The following SPEN variants were observed in gnomAD, a reference collection of about 807,000 sequenced individuals.
SPEN encodes the protein spen family transcriptional repressor, also known as msx2-interacting protein.
Under a neutral mutation model 269.9 loss-of-function variants are expected in SPEN, and 18 were observed. The observed-to-expected ratio is 0.07, with a 90% CI of 0.05 to 0.10. SPEN has a LOEUF of 0.10. Among genes scored for constraint, SPEN ranks in the 10% least tolerant of loss-of-function variants. The probability of loss-of-function intolerance (pLI) is 1.00; values close to 1 mark genes in which losing one functional copy is unlikely to be tolerated. For synonymous variants in SPEN, 1,726 were observed against 1,765.7 expected (o/e 0.98, Z 0.56); for missense variants, 3,822 against 4,631.2 (o/e 0.83, Z 5.07).
chr1:15,934,131 C>T lies in SPEN; in HGVS notation c.7891C>T (p.Leu2631=). 6.2e-7 allele frequency: 1 copy of T among 1,614,128 alleles called. No individual in the cohort carries two copies. The highest frequency in any genetic ancestry group is 8.5e-7 in the Non-Finnish European group (1 of 1,179,976). ...VISRMPVSID[L]ENSQKITLAK... ...TAGCCGGATGCCTGTCAGCATTGAC[C>T]TGGAAAATTCACAGAAGATAACCTT... is the stretch of plus-strand genomic sequence containing the variant. The change falls in exon 11 of 15, where the codon CTG becomes TTG. Residue 2631 remains leucine, a synonymous_variant. Transcript: ENST00000375759. The surrounding 1 kb of genome is among the most constrained non-coding windows in gnomAD (Gnocchi z 9.2).
intron 3 of SPEN, among the ~76,000 whole-genome samples, chr1:15,882,630 AG>A (rs1265321992): frequency 2.0e-5 from 3 of 152,342 alleles, no homozygotes; most frequent in Admixed American, 1.3e-4. Context: ...ACTGCACTCC[AG>A]CCTGGGCAAC....
chr1:15,886,332 T>A (rs1208443500), intron 3 of SPEN, among the ~76,000 whole-genome samples: 2 of 152,112 alleles, frequency 1.3e-5, no homozygotes, highest in African/African-American at 4.8e-5. Context: ...AGCCCCTGCG[T>A]CTGAATATTG....
Position 15,937,216 on chromosome 1 carries a change from ACAGCCTGCC to A in SPEN, c.10089_10097del (p.Gln3364_Ala3366del), listed in dbSNP as rs1238648811. 4 of 1,613,378 alleles carry A rather than the reference ACAGCCTGCC, an allele frequency of 2.5e-6. No homozygotes were observed. Among genetic ancestry groups the A allele is most frequent in the Non-Finnish European group, 2.5e-6 (3 of 1,179,912 alleles). ...AGCCTCCTCAGCCTGTGCAGTCCAC[ACAGCCTGCC>A]CAGCCTGCACCACCCTGCCCGCCCT... On this transcript the variant is annotated inframe_deletion, in exon 12 of 15. Coordinates refer to ENST00000375759, the MANE Select transcript of SPEN (RefSeq NM_015001.3). This position sits in a 1 kb window ranked among gnomAD's most constrained non-coding sequence, Gnocchi z 5.7.
intron 2 of SPEN, among the ~76,000 whole-genome samples, chr1:15,875,680 GTTAAAC>G (rs537678149): frequency 7.8e-4 from 119 of 152,188 alleles, no homozygotes; most frequent in South Asian, 4.4e-3. Context: ...ATGAAAAAAA[GTTAAAC>G]TTAGAAAATT....
rs765528950 is a variant in SPEN at position 15,936,083 on chromosome 1, G to A, written c.9843G>A (p.Leu3281=). 2 of 1,602,954 alleles carry A rather than the reference G, an allele frequency of 1.2e-6. No individual in the cohort carries two copies. The highest frequency in any genetic ancestry group is 1.7e-5 in the Admixed American group (1 of 59,392). Residue 3281 remains leucine (L), a synonymous_variant, in exon 11 of 15, where the codon CTG becomes CTA. Coordinates refer to ENST00000375759, the MANE Select transcript of SPEN (RefSeq NM_015001.3). The part of the protein sequence containing the change: ...TVTPSNQLQG[L]PLTPPVVVTH... The stretch of plus-strand genomic sequence containing the variant: ...CCCCCAGTAACCAACTCCAGGGGCT[G>A]CCTCTGACCCCTCCTGTGGTGGTGA...
Position 15,931,799 on chromosome 1 carries a change from G to C in SPEN, c.5559G>C (p.Lys1853Asn), listed in dbSNP as rs1277055027. The C allele has an allele frequency of 4.3e-6, 7 of 1,614,088 alleles. 1 individual carries two copies. Among genetic ancestry groups the C allele is most frequent in the Non-Finnish European group, 5.9e-6 (7 of 1,180,042 alleles). The change falls in exon 11 of 15, where the codon AAG (lysine) becomes AAC (asparagine). Residue 1853 changes from lysine (K) to asparagine (N), a missense_variant. Coordinates refer to ENST00000375759, the MANE Select transcript of SPEN (RefSeq NM_015001.3). The surrounding 1 kb of genome is among the most constrained non-coding windows in gnomAD (Gnocchi z 4.8). ...AGAGGATAGACCGGGAAAAACTCAA[G>C]CGGTCCAATTCTCCTCGGGGAGAAG... Reference protein sequence around the residue: ...KSERIDREKLKRSNSPRGEAQ... With the variant: ...KSERIDREKLNRSNSPRGEAQ...
In SPEN at chr1:15,898,382, G is replaced by C. The variant is rs375203741; in HGVS notation, c.882-10939G>C. 1.8e-3 allele frequency among the ~76,000 whole-genome samples: 272 copies of C among 151,544 alleles called. 7 individuals carry two copies. In the East Asian group the frequency reaches 0.043, roughly 24 times the overall value. ...AACTCCCAATTCTCCCTTTCCCCCA[G>C]CCCCTGGCAACCACCATTCTACTTT... On this transcript the variant is annotated intron_variant, in intron 3 of 14. Coordinates refer to ENST00000375759, the MANE Select transcript of SPEN (RefSeq NM_015001.3).
intron 5 of SPEN, among the ~76,000 whole-genome samples, chr1:15,913,422 A>G (rs918110023): frequency 6.6e-6 from 1 of 152,022 alleles, no homozygotes; most frequent in African/African-American, 2.4e-5. Flanking sequence ...GATCTTGAAA[A>G]TTTACTGCTG....
chr1:15,901,230 G>A (rs1209141413), intron 3 of SPEN, among the ~76,000 whole-genome samples: 1 of 151,270 alleles, frequency 6.6e-6, no homozygotes, highest in East Asian at 1.9e-4. Flanking sequence ...CAGCAGAATT[G>A]CTAGAACCTG....
intron 6 of SPEN, among the ~76,000 whole-genome samples, chr1:15,916,876 C>T (rs1010900115): frequency 2.0e-5 from 3 of 152,196 alleles, no homozygotes; most frequent in Admixed American, 6.5e-5. Flanking sequence ...CCTATAATCT[C>T]AGCACTTTGG....
chr1:15,938,116 C>G, intron 13 of SPEN, 110 bp downstream of exon 13: 1 of 1,020,078 alleles, frequency 9.8e-7, no homozygotes. Flanking sequence ...TAACTGTATT[C>G]TTGTTGTTGT....
At chr1:15,918,249 G>A (rs1223242613) in intron 6 of SPEN, among the ~76,000 whole-genome samples, 1 of 151,928 alleles carries the variant, frequency 6.6e-6, no homozygotes, top group Non-Finnish European at 1.5e-5. Flanking sequence ...TTTTTAAGAC[G>A]GAGTTTCACT....
intron 1 of SPEN, among the ~76,000 whole-genome samples, chr1:15,859,903 A>ATCTTTTTTTTTT (rs2070426075): frequency 1.7e-5 from 1 of 59,310 alleles, no homozygotes. Flanking sequence ...ATCAGTTAAC[A>ATCTTTTTTTTTT]TCTTTTTTTT....
intron 5 of SPEN, among the ~76,000 whole-genome samples, chr1:15,911,534 T>C (rs1220878949): frequency 2.0e-5 from 3 of 152,264 alleles, no homozygotes; most frequent in Non-Finnish European, 4.4e-5. Flanking sequence ...GGAGCCTTGC[T>C]GACTGTTAAG....
intron 3 of SPEN, among the ~76,000 whole-genome samples, chr1:15,893,763 G>A (rs1346324876): frequency 6.6e-6 from 1 of 152,026 alleles, no homozygotes; most frequent in Non-Finnish European, 1.5e-5. Flanking sequence ...CAAGCCAATT[G>A]CAGTGGCTCC....
At position 15,939,268 on chromosome 1, in the gene SPEN, C is replaced by T. The variant is rs979806157; in HGVS notation, c.10864-28C>T. On this transcript the variant is annotated intron_variant, in intron 14 of 14. Coordinates refer to ENST00000375759, the MANE Select transcript of SPEN (RefSeq NM_015001.3). The surrounding 1 kb of genome is among the most constrained non-coding windows in gnomAD (Gnocchi z 4.1). Reference sequence around the variant, plus strand: ...AGTTGTGGGGGTGAAGACAGACGGTCCCACTTTGCTCTCTATCCTGTCTCC... The same window carrying T: ...AGTTGTGGGGGTGAAGACAGACGGTTCCACTTTGCTCTCTATCCTGTCTCC... The T allele has an allele frequency of 6.5e-7, 1 of 1,534,926 alleles. No individual in the cohort carries two copies. The highest frequency in any genetic ancestry group is 2.0e-5 in the Admixed American group (1 of 49,774).
intron 10 of SPEN, among the ~76,000 whole-genome samples, chr1:15,926,346 C>A (rs896295427): frequency 6.6e-6 from 1 of 151,102 alleles, no homozygotes; most frequent in Non-Finnish European, 1.5e-5. Context: ...AGCAGTGAGC[C>A]GAGATTGTGC....
chr1:15,916,599 C>CGTGA (rs2071069890), intron 6 of SPEN, among the ~76,000 whole-genome samples: 1 of 150,314 alleles, frequency 6.7e-6, no homozygotes. Flanking sequence ...CAGCCTCAAC[C>CGTGA]TCCTGGGCTC....
chr1:15,934,592 G>A lies in SPEN; in HGVS notation c.8352G>A (p.Arg2784=). The A allele has an allele frequency of 6.2e-7, 1 of 1,614,132 alleles. No individual in the cohort carries two copies. Among genetic ancestry groups the A allele is most frequent in the Non-Finnish European group, 8.5e-7 (1 of 1,180,022 alleles). ...GAGCGAGTGCTAATGAAAACAGTCG[G>A]TTCCACCCAGGGTCCATGCCTGTGA... ...KQRASANENS[R]FHPGSMPVID... Residue 2784 remains arginine (R), a synonymous_variant, in exon 11 of 15, where the codon CGG becomes CGA. Coordinates refer to ENST00000375759, the MANE Select transcript of SPEN (RefSeq NM_015001.3). This position sits in a 1 kb window ranked among gnomAD's most constrained non-coding sequence, Gnocchi z 9.2.
Sources: gnomAD v4.1 joint callset for allele counts (sites outside exome capture counted in the v4.1 genomes callset) on GRCh38, gnomAD v4.1.1 for gene constraint, Gnocchi (gnomAD v3.1) non-coding constraint, MANE v1.5 for transcripts, NCBI Gene and HGNC (gene_info 2026-07-23, HGNC 2026-07-21) for gene names.